TRPC6: variants seen among roughly 807,000 people sequenced by gnomAD.
TRPC6 encodes the protein short transient receptor potential channel 6.
A neutral mutation model predicts 90.7 loss-of-function variants in TRPC6; 55 were observed. That is an observed-to-expected ratio of 0.61 (90% confidence interval 0.49 to 0.76). The LOEUF (loss-of-function observed/expected upper bound fraction) is 0.76, where lower values mean the gene tolerates loss of function less well. TRPC6 is among the 30% of genes least tolerant of loss of function. The pLI is 0.00. For missense variants in TRPC6, 989 were observed against 1,122.7 expected, an observed-to-expected ratio of 0.88 and a Z score of 1.70; for synonymous variants, 393 against 393.0, an observed-to-expected ratio of 1.00 and a Z score of 0.00.
At chr11:101,488,070 T>G (rs1385704579) in intron 4 of TRPC6, among the ~76,000 whole-genome samples, 2 of 152,194 alleles carry the variant, frequency 1.3e-5, no homozygotes, top group Non-Finnish European at 2.9e-5. Flanking sequence ...TGATAGTTCT[T>G]TCTACATAGC....
chr11:101,559,076 A>C (rs527369654), intron 1 of TRPC6, among the ~76,000 whole-genome samples: 13 of 152,322 alleles, frequency 8.5e-5, no homozygotes, highest in African/African-American at 3.1e-4. Flanking sequence ...GAGTACAGAG[A>C]CAATCTATGA....
At chr11:101,503,493 C>T (rs1027761685) in intron 2 of TRPC6, among the ~76,000 whole-genome samples, 6 of 152,166 alleles carry the variant, frequency 3.9e-5, no homozygotes, top group African/African-American at 1.4e-4. Flanking sequence ...GTTGCTTTTA[C>T]CTCTACCTGG....
intron 10 of TRPC6, chr11:101,455,471 G>T: frequency 4.7e-6 from 1 of 215,038 alleles, no homozygotes; most frequent in Non-Finnish European, 9.4e-6. Flanking sequence ...GATCAACAGT[G>T]CCACCTGATT....
chr11:101,550,093 T>C (rs559149029), intron 1 of TRPC6, among the ~76,000 whole-genome samples: 1 of 151,630 alleles, frequency 6.6e-6, no homozygotes, highest in Non-Finnish European at 1.5e-5. Context: ...TTGGAAATTA[T>C]TACTGATAAA....
chr11:101,522,890 C>T (rs1260512633), intron 1 of TRPC6, among the ~76,000 whole-genome samples: 1 of 152,182 alleles, frequency 6.6e-6, no homozygotes, highest in Middle Eastern at 3.2e-3. Flanking sequence ...ATTTGTAAAG[C>T]TCTATCAGAC....
chr11:101,491,395 C>T (rs1475656223), intron 3 of TRPC6, 161 bp downstream of exon 3: 16 of 849,638 alleles, frequency 1.9e-5, no homozygotes, highest in Admixed American at 7.1e-5. Flanking sequence ...GATCGCACCA[C>T]TGCACTCCAG....
chr11:101,490,626 T>C (rs1162667871), intron 3 of TRPC6, among the ~76,000 whole-genome samples: 1 of 152,160 alleles, frequency 6.6e-6, no homozygotes, highest in Non-Finnish European at 1.5e-5. Flanking sequence ...CAGCTAATTT[T>C]TGTAGTTTTA....
chr11:101,471,113 G>A, intron 9 of TRPC6, 70 bp downstream of exon 9: 1 of 1,457,686 alleles, frequency 6.9e-7, no homozygotes, highest in Non-Finnish European at 9.6e-7. Flanking sequence ...CTCTTTAAAG[G>A]GATGTGGCAT....
chr11:101,551,838 T>G (rs1266993927), intron 1 of TRPC6, among the ~76,000 whole-genome samples: 2 of 152,096 alleles, frequency 1.3e-5, no homozygotes, highest in East Asian at 3.8e-4. Context: ...AGGGCTGTCA[T>G]GGTTATTGCT....
intron 6 of TRPC6, 124 bp from the exon 7 acceptor site, chr11:101,473,897 C>A: frequency 2.3e-6 from 3 of 1,306,544 alleles, no homozygotes; most frequent in Admixed American, 2.0e-5. Context: ...AGTCTCCTAT[C>A]TTAAAGGGCT....
chr11:101,554,480 T>C (rs1369806975), intron 1 of TRPC6, among the ~76,000 whole-genome samples: 3 of 152,062 alleles, frequency 2.0e-5, no homozygotes, highest in Non-Finnish European at 4.4e-5. Flanking sequence ...ATGTTTCCCA[T>C]GTTTGCATGA....
chr11:101,577,882 G>C (rs900353008), intron 1 of TRPC6, among the ~76,000 whole-genome samples: 18 of 152,192 alleles, frequency 1.2e-4, no homozygotes, highest in Non-Finnish European at 1.8e-4. Context: ...GTAGTGATTG[G>C]TGAAAGATTC....
chr11:101,551,105 T>C (rs1861439679), intron 1 of TRPC6, among the ~76,000 whole-genome samples: 1 of 151,988 alleles, frequency 6.6e-6, no homozygotes, highest in Non-Finnish European at 1.5e-5. Context: ...AAAATGCTTC[T>C]GTACTTTAGG....
At chr11:101,485,116 G>A (rs1030431723) in intron 4 of TRPC6, among the ~76,000 whole-genome samples, 21 of 105,624 alleles carry the variant, frequency 2.0e-4, no homozygotes, top group South Asian at 2.9e-4. Context: ...ATATACAGAG[G>A]GCCAAAGAAT....
chr11:101,490,297 G>A (rs12806241), intron 3 of TRPC6, among the ~76,000 whole-genome samples: 2 of 152,182 alleles, frequency 1.3e-5, no homozygotes, highest in South Asian at 2.1e-4. Context: ...AGTTGTCCAA[G>A]AAAGAAATTT....
chr11:101,582,255 C>T (rs1464841057), intron 1 of TRPC6, among the ~76,000 whole-genome samples: 3 of 152,100 alleles, frequency 2.0e-5, no homozygotes, highest in Admixed American at 1.3e-4. Flanking sequence ...GAAAGGGCAC[C>T]GCAGCAGGGC....
At chr11:101,525,356 G>A (rs565793933) in intron 1 of TRPC6, among the ~76,000 whole-genome samples, 1 of 152,250 alleles carries the variant, frequency 6.6e-6, no homozygotes, top group African/African-American at 2.4e-5. Context: ...CAACTGTGTG[G>A]TTTTATTGTA....
At chr11:101,551,048 G>A (rs567479065) in intron 1 of TRPC6, among the ~76,000 whole-genome samples, 68 of 151,842 alleles carry the variant, frequency 4.5e-4, no homozygotes, top group African/African-American at 9.6e-4. Context: ...AAATACGTAC[G>A]TACATAGGAC....
At chr11:101,576,421 T>C (rs960362394) in intron 1 of TRPC6, among the ~76,000 whole-genome samples, 3 of 152,202 alleles carry the variant, frequency 2.0e-5, no homozygotes, top group African/African-American at 7.2e-5. Flanking sequence ...TATAGGTTGT[T>C]TGAGTATGTG....
Sources: gnomAD v4.1 joint callset for allele counts (sites outside exome capture counted in the v4.1 genomes callset) on GRCh38, gnomAD v4.1.1 for gene constraint, MANE v1.5 for transcripts, NCBI Gene and HGNC (gene_info 2026-07-23, HGNC 2026-07-21) for gene names.